Variants in LTBP1 observed in about 807,000 individuals in gnomAD.
The protein encoded by LTBP1 is latent transforming growth factor beta binding protein 1, also known as latent-transforming growth factor beta-binding protein 1.
A neutral mutation model predicts 207.6 loss-of-function variants in LTBP1; 129 were observed. The observed-to-expected ratio is 0.62, with a 90% CI of 0.54 to 0.72. The LOEUF is 0.72. Ranked by LOEUF, LTBP1 falls within the 30% of genes least tolerant of loss-of-function variation. The probability of loss-of-function intolerance (pLI) is 0.00; values close to 1 mark genes in which losing one functional copy is unlikely to be tolerated. For synonymous variants in LTBP1, 963 were observed against 833.7 expected (o/e 1.16, Z -2.67); for missense variants, 2,281 against 2,217.2 (o/e 1.03, Z -0.58).
chr2:33,396,173 C>CT (rs1391429276), intron 32 of LTBP1, among the ~76,000 whole-genome samples: 7 of 138,248 alleles, frequency 5.1e-5, no homozygotes, highest in African/African-American at 1.8e-4. Flanking sequence ...ACTTTTGGTT[C>CT]TGTTTTTTTT....
At chr2:33,202,450 A>G (rs951690057) in intron 7 of LTBP1, among the ~76,000 whole-genome samples, 3 of 152,184 alleles carry the variant, frequency 2.0e-5, no homozygotes, top group African/African-American at 7.2e-5. Flanking sequence ...CTGCTCAGAA[A>G]CCTGCTCTTG....
intron 31 of LTBP1, among the ~76,000 whole-genome samples, chr2:33,388,903 C>G (rs1373097898): frequency 6.6e-6 from 1 of 152,244 alleles, no homozygotes; most frequent in Non-Finnish European, 1.5e-5. Context: ...TCCGTTTTGT[C>G]AGCCCTTTAC....
chr2:33,178,360 G>A (rs541040815), intron 5 of LTBP1, among the ~76,000 whole-genome samples: 7 of 152,248 alleles, frequency 4.6e-5, no homozygotes, highest in East Asian at 1.9e-4. Flanking sequence ...AATAGATAGC[G>A]CACAGCAATG....
chr2:32,969,944 G>T (rs1249258002), intron 2 of LTBP1, among the ~76,000 whole-genome samples: 2 of 151,954 alleles, frequency 1.3e-5, no homozygotes, highest in Admixed American at 6.6e-5. Flanking sequence ...GTTATTTTTT[G>T]ACTTTAACAA....
chr2:33,126,704 A>C (rs1333472756), intron 4 of LTBP1, among the ~76,000 whole-genome samples: 3 of 152,220 alleles, frequency 2.0e-5, no homozygotes, highest in Non-Finnish European at 1.5e-5. Context: ...GGAAAAGGAT[A>C]TTGAGGCTGA....
intron 24 of LTBP1, among the ~76,000 whole-genome samples, chr2:33,341,729 A>AAAAAAAAAATAT (rs745445793): frequency 3.2e-5 from 3 of 93,632 alleles, no homozygotes; most frequent in African/African-American, 1.5e-4. Flanking sequence ...AAAAAAAAAA[A>AAAAAAAAAATAT]ATATATATAT....
chr2:33,233,562 G>C (rs72799708), intron 9 of LTBP1, among the ~76,000 whole-genome samples: 37,286 of 151,868 alleles, frequency 0.25, 5,570 homozygotes, highest in Admixed American at 0.33. Flanking sequence ...TTTTTAATTG[G>C]GTTGATAAGC....
At chr2:33,047,048 C>G (rs541812392) in intron 3 of LTBP1, among the ~76,000 whole-genome samples, 143 of 152,136 alleles carry the variant, frequency 9.4e-4, no homozygotes, top group African/African-American at 3.1e-3. Context: ...TTTTATTAAT[C>G]TTTTCCAAAA....
intron 4 of LTBP1, among the ~76,000 whole-genome samples, chr2:33,122,097 C>T (rs1236926773): frequency 6.6e-6 from 1 of 151,728 alleles, no homozygotes. Flanking sequence ...GTCCCCTTGA[C>T]TCTGGGCTTG....
intron 26 of LTBP1, among the ~76,000 whole-genome samples, chr2:33,360,182 T>C (rs2150022903): frequency 6.6e-6 from 1 of 152,328 alleles, no homozygotes; most frequent in South Asian, 2.1e-4. Context: ...AATAACTACC[T>C]AAGGGTTAAA....
chr2:33,387,010 A>G (rs2095271740), intron 31 of LTBP1, among the ~76,000 whole-genome samples: 1 of 151,934 alleles, frequency 6.6e-6, no homozygotes, highest in South Asian at 2.1e-4. Context: ...TTGTATTTTT[A>G]GTAGAGACAG....
At chr2:32,974,379 G>C (rs1203589796) in intron 2 of LTBP1, among the ~76,000 whole-genome samples, 4 of 152,140 alleles carry the variant, frequency 2.6e-5, no homozygotes, top group Non-Finnish European at 1.5e-5. Flanking sequence ...GAATTTGTAT[G>C]TCTTCTTTTG....
chr2:33,135,524 T>C (rs1400070400), intron 5 of LTBP1, among the ~76,000 whole-genome samples: 2 of 149,082 alleles, frequency 1.3e-5, no homozygotes, highest in Non-Finnish European at 1.5e-5. Context: ...ATATATAACG[T>C]GGATTTGGGG....
chr2:32,988,984 C>T (rs1338860416), intron 2 of LTBP1, among the ~76,000 whole-genome samples: 3 of 152,024 alleles, frequency 2.0e-5, no homozygotes, highest in African/African-American at 7.3e-5. Flanking sequence ...GTGCCACTAT[C>T]AAACTTTGAA....
At chr2:33,397,421 C>A in intron 33 of LTBP1, 139 bp downstream of exon 33, 2 of 774,428 alleles carry the variant, frequency 2.6e-6, no homozygotes, top group Non-Finnish European at 2.1e-6. Context: ...ACATTAAGTA[C>A]AGTATGAATA....
At chr2:33,368,162 G>A (rs908420842) in intron 31 of LTBP1, among the ~76,000 whole-genome samples, 4 of 151,860 alleles carry the variant, frequency 2.6e-5, no homozygotes, top group Non-Finnish European at 4.4e-5. Context: ...AGCCGAGATC[G>A]CGCCACTGCA....
chr2:33,301,415 T>G, intron 21 of LTBP1, 107 bp from the exon 22 acceptor site: 1 of 1,310,976 alleles, frequency 7.6e-7, no homozygotes, highest in Admixed American at 2.6e-5. Context: ...TGGTCATTAC[T>G]TGTATCAACA....
chr2:32,984,149 G>A (rs912174272), intron 2 of LTBP1, among the ~76,000 whole-genome samples: 13 of 152,168 alleles, frequency 8.5e-5, no homozygotes, highest in South Asian at 2.1e-4. Flanking sequence ...ATTACCTACC[G>A]TGTGATAAGG....
intron 19 of LTBP1, among the ~76,000 whole-genome samples, chr2:33,286,230 C>G (rs1283852261): frequency 6.6e-6 from 1 of 152,202 alleles, no homozygotes; most frequent in African/African-American, 2.4e-5. Context: ...CCCATTTAAA[C>G]TCTGTGAATG....
Sources: gnomAD v4.1 joint callset for allele counts (sites outside exome capture counted in the v4.1 genomes callset) on GRCh38, gnomAD v4.1.1 for gene constraint, MANE v1.5 for transcripts, NCBI Gene and HGNC (gene_info 2026-07-23, HGNC 2026-07-21) for gene names.